SLC45A4: variants seen among roughly 807,000 people sequenced by gnomAD.
SLC45A4 encodes the protein polyamine-transporter SLC45A4.
A neutral mutation model predicts 63.7 loss-of-function variants in SLC45A4; 32 were observed. That is an observed-to-expected ratio of 0.50 (90% CI 0.38 to 0.67). The LOEUF is 0.67. SLC45A4 is among the 30% of genes least tolerant of loss of function. SLC45A4 has a pLI of 0.00. For missense variants in SLC45A4, 1,027 were observed against 1,157.7 expected (o/e 0.89, Z 1.64); for synonymous variants, 535 against 510.0 (o/e 1.05, Z -0.66).
intron 1 of SLC45A4, among the ~76,000 whole-genome samples, chr8:141,287,430 A>G (rs966393300): frequency 6.6e-5 from 10 of 152,138 alleles, no homozygotes; most frequent in Non-Finnish European, 2.9e-5. Context: ...CGGAGCGCAG[A>G]CTGTGCCCCT....
chr8:141,307,578 G>C lies in SLC45A4; in HGVS notation c.-401+518C>G, dbSNP rs367752610. 8.0e-4 allele frequency among the ~76,000 whole-genome samples: 121 copies of C among 152,158 alleles called. 1 individual carries two copies. Among genetic ancestry groups the C allele is most frequent in the African/African-American group, 2.8e-3 (115 of 41,472 alleles). On this transcript the variant is annotated intron_variant, in intron 1 of 8. Transcript: ENST00000517878. ...GGGAGTGTGTTCGGTTGGGAGGACC[G>C]GTCCAGACAGAGGGGAGAGGGGGCC...
chr8:141,213,686 C>T (rs1176892784), intron 7 of SLC45A4, among the ~76,000 whole-genome samples: 3 of 152,168 alleles, frequency 2.0e-5, no homozygotes, highest in Admixed American at 6.5e-5. Context: ...CAGCAAAGGG[C>T]GGCAGTGAAC....
intron 1 of SLC45A4, among the ~76,000 whole-genome samples, chr8:141,285,090 C>T (rs890952799): frequency 3.9e-5 from 6 of 152,334 alleles, no homozygotes; most frequent in Non-Finnish European, 5.9e-5. Context: ...GCAGACTTCC[C>T]CCACCTCACA....
chr8:141,268,436 G>A (rs1166321272), intron 1 of SLC45A4, among the ~76,000 whole-genome samples: 2 of 152,156 alleles, frequency 1.3e-5, no homozygotes, highest in Non-Finnish European at 2.9e-5. Flanking sequence ...AGACCCTGAC[G>A]TGACCTCCGC....
chr8:141,247,133 G>A (rs1034712311), intron 2 of SLC45A4, among the ~76,000 whole-genome samples: 1 of 152,120 alleles, frequency 6.6e-6, no homozygotes, highest in East Asian at 1.9e-4. Flanking sequence ...CTTTAACCAG[G>A]CTGATCAAAT....
At chr8:141,295,036 G>C (rs1163478614) in intron 1 of SLC45A4, among the ~76,000 whole-genome samples, 3 of 152,262 alleles carry the variant, frequency 2.0e-5, no homozygotes, top group South Asian at 2.1e-4. Context: ...TGGACTTCAG[G>C]AGAGAGCTGC....
Position 141,247,632 on chromosome 8 carries a change from G to A in SLC45A4, c.241+6357C>T, listed in dbSNP as rs200927159. 3.1e-4 allele frequency among the ~76,000 whole-genome samples: 47 copies of A among 152,224 alleles called. No individual in the cohort carries two copies. In the East Asian group the frequency reaches 6.7e-3, roughly 22 times the overall value. On this transcript the variant is annotated intron_variant, in intron 2 of 8. Coordinates refer to ENST00000517878, the MANE Select transcript of SLC45A4 (RefSeq NM_001286646.2). The stretch of plus-strand genomic sequence containing the variant: ...TTGCTGTGTTGCCTAGGATGGTCTC[G>A]AACGCCTGAGTTCAAGCAATCTTCC...
intron 1 of SLC45A4, among the ~76,000 whole-genome samples, chr8:141,299,172 G>T (rs1290194108): frequency 6.6e-6 from 1 of 152,200 alleles, no homozygotes; most frequent in Non-Finnish European, 1.5e-5. Flanking sequence ...TCCGAGCACT[G>T]GGTGGCTTCT....
At chr8:141,212,779 G>C (rs1825918474) in intron 7 of SLC45A4, among the ~76,000 whole-genome samples, 1 of 152,184 alleles carries the variant, frequency 6.6e-6, no homozygotes, top group Non-Finnish European at 1.5e-5. Flanking sequence ...GGGCAGGCGT[G>C]GAAGCAACTC....
At chr8:141,263,156 T>G (rs1006204502) in intron 1 of SLC45A4, among the ~76,000 whole-genome samples, 1 of 137,332 alleles carries the variant, frequency 7.3e-6, no homozygotes. Flanking sequence ...TAGATGGGAA[T>G]TGAACAATGA....
chr8:141,287,895 G>A (rs555388091), intron 1 of SLC45A4, among the ~76,000 whole-genome samples: 3 of 152,300 alleles, frequency 2.0e-5, no homozygotes, highest in Non-Finnish European at 2.9e-5. Context: ...AGGAAGACGG[G>A]GCTCAGAGAA....
chr8:141,212,132 C>T, intron 8 of SLC45A4, 65 bp downstream of exon 8: 2 of 1,179,638 alleles, frequency 1.7e-6, no homozygotes, highest in Non-Finnish European at 2.1e-6. Context: ...ATGGCCTGGC[C>T]CCGCCGCCCG....
intron 1 of SLC45A4, among the ~76,000 whole-genome samples, chr8:141,287,177 T>A (rs1175916788): frequency 1.3e-5 from 2 of 152,168 alleles, no homozygotes; most frequent in African/African-American, 4.8e-5. Context: ...TGTATCATCA[T>A]GAGAGAGAGG....
chr8:141,292,618 C>T (rs940817822), intron 1 of SLC45A4: 5 of 152,484 alleles, frequency 3.3e-5, no homozygotes, highest in African/African-American at 1.2e-4. Context: ...CTTCACCCCT[C>T]CTTGCTGGTG....
At chr8:141,247,261 T>C (rs1299472947) in intron 2 of SLC45A4, among the ~76,000 whole-genome samples, 2 of 149,134 alleles carry the variant, frequency 1.3e-5, no homozygotes, top group East Asian at 4.0e-4. Context: ...AAATCACTTA[T>C]ACTACTCTAT....
intron 2 of SLC45A4, chr8:141,253,073 G>A (rs903624145): frequency 1.9e-5 from 3 of 160,834 alleles, no homozygotes; most frequent in African/African-American, 7.7e-5. Context: ...GCCCACCTGC[G>A]AGTGTCTGTG....
intron 1 of SLC45A4, among the ~76,000 whole-genome samples, chr8:141,282,364 G>C (rs1256406781): frequency 2.0e-5 from 3 of 152,210 alleles, no homozygotes; most frequent in Non-Finnish European, 4.4e-5. Context: ...TGCTCTGAAC[G>C]AGCCTGAAGA....
intron 1 of SLC45A4, among the ~76,000 whole-genome samples, chr8:141,267,068 G>A (rs969437384): frequency 6.6e-6 from 1 of 152,252 alleles, no homozygotes; most frequent in African/African-American, 2.4e-5. Context: ...GAACTGCGGG[G>A]GCTGGCAGGA....
At chr8:141,250,059 TC>T (rs1381057789) in intron 2 of SLC45A4, among the ~76,000 whole-genome samples, 2 of 152,184 alleles carry the variant, frequency 1.3e-5, no homozygotes, top group Non-Finnish European at 2.9e-5. Flanking sequence ...ACTACAACTC[TC>T]CCCATTTCAG....
Sources: gnomAD v4.1 joint callset for allele counts (sites outside exome capture counted in the v4.1 genomes callset) on GRCh38, gnomAD v4.1.1 for gene constraint, MANE v1.5 for transcripts, NCBI Gene and HGNC (gene_info 2026-07-23, HGNC 2026-07-21) for gene names.